Variants in WNT7A observed in about 807,000 individuals in gnomAD.
WNT7A encodes the protein Wnt family member 7A.
WNT7A carries 16 observed loss-of-function variants against 28.2 expected under a neutral mutation model. That is an observed-to-expected ratio of 0.57 (90% CI 0.38 to 0.86). The LOEUF (loss-of-function observed/expected upper bound fraction) is 0.86, where lower values mean the gene tolerates loss of function less well. Ranked by LOEUF, WNT7A falls within the 40% of genes least tolerant of loss-of-function variation. The pLI is 0.00. For missense variants in WNT7A, 411 were observed against 489.7 expected (o/e 0.84, Z 1.52); for synonymous variants, 190 against 195.9 (o/e 0.97, Z 0.25).
intron 3 of WNT7A, among the ~76,000 whole-genome samples, chr3:13,835,863 C>CA (rs1694359365): frequency 6.6e-6 from 1 of 152,226 alleles, no homozygotes; most frequent in Non-Finnish European, 1.5e-5. Flanking sequence ...GAAGTACTGA[C>CA]ACAGGCTGCA....
intron 3 of WNT7A, among the ~76,000 whole-genome samples, chr3:13,839,198 C>CA (rs1413730602): frequency 6.6e-6 from 1 of 152,158 alleles, no homozygotes; most frequent in Non-Finnish European, 1.5e-5. Flanking sequence ...CTGGACCAAC[C>CA]AGCACCATCC....
rs146535095 is a variant in WNT7A at position 13,863,094 on chromosome 3, G to A, written c.299-8291C>T. ...GTCTACCTCCCAGGGTTGTTGGGAGGATTAAATAAGCCAATGCACATGACA... is the reference window on the plus strand; with the variant it reads ...GTCTACCTCCCAGGGTTGTTGGGAGAATTAAATAAGCCAATGCACATGACA... On this transcript the variant is annotated intron_variant, in intron 2 of 3. Coordinates refer to ENST00000285018, the MANE Select transcript of WNT7A (RefSeq NM_004625.4). Among the ~76,000 whole-genome samples the A allele has an allele frequency of 2.8e-4, 43 of 152,258 alleles. No homozygotes were observed. The East Asian group carries it at 8.3e-3, about 29-fold the overall frequency.
chr3:13,851,436 A>T (rs1264239765), intron 3 of WNT7A, among the ~76,000 whole-genome samples: 4 of 152,100 alleles, frequency 2.6e-5, no homozygotes, highest in African/African-American at 9.7e-5. Context: ...TTCCTTCCTG[A>T]TGCCTCGTCC....
intron 3 of WNT7A, among the ~76,000 whole-genome samples, chr3:13,821,556 G>C (rs932856418): frequency 6.6e-6 from 1 of 152,184 alleles, no homozygotes; most frequent in Non-Finnish European, 1.5e-5. Flanking sequence ...AAACCACAGC[G>C]TGTGCATTTC....
chr3:13,875,061 T>C lies in WNT7A; in HGVS notation c.184A>G (p.Ile62Val), dbSNP rs761510770. ...CQSRPDAIIVIGEGSQMGLDE... is the reference protein window; with the variant it reads ...CQSRPDAIIVVGEGSQMGLDE... ...AGGCCCATTTGTGAGCCTTCTCCTATGACGATGATGGCGTCGGGCCGGCTC... is the reference window on the plus strand; with the variant it reads ...AGGCCCATTTGTGAGCCTTCTCCTACGACGATGATGGCGTCGGGCCGGCTC... Residue 62 changes from isoleucine to valine, a missense_variant, in exon 2 of 4, where the codon ATA becomes GTA. Coordinates refer to ENST00000285018, the MANE Select transcript of WNT7A (RefSeq NM_004625.4). 3 of 1,614,110 alleles carry C rather than the reference T, an allele frequency of 1.9e-6. No homozygotes were observed. The highest frequency in any genetic ancestry group is 1.1e-5 in the South Asian group (1 of 91,086).
chr3:13,878,455 A>C (rs1335588820), intron 1 of WNT7A, among the ~76,000 whole-genome samples: 1 of 152,148 alleles, frequency 6.6e-6, no homozygotes, highest in Non-Finnish European at 1.5e-5. Context: ...CGGGCGAATC[A>C]ATAACACTTA....
In WNT7A at chr3:13,819,431, G is replaced by C. The variant is rs1312357503; in HGVS notation, c.571-8C>G. On this transcript the variant is annotated splice_region_variant and splice_polypyrimidine_tract_variant and intron_variant, in intron 3 of 3. Coordinates refer to ENST00000285018, the MANE Select transcript of WNT7A (RefSeq NM_004625.4). ...CATGTTCTCCTCCAGGATCTGCAGG[G>C]GAGGGCGGGGAAGAGCACAGCACAG... is the stretch of plus-strand genomic sequence containing the variant. 1 of 1,611,062 alleles carries C rather than the reference G, an allele frequency of 6.2e-7. No individual in the cohort carries two copies. Among genetic ancestry groups the C allele is most frequent in the Admixed American group, 1.7e-5 (1 of 59,976 alleles).
At chr3:13,829,405 G>A (rs1360947128) in intron 3 of WNT7A, among the ~76,000 whole-genome samples, 1 of 152,218 alleles carries the variant, frequency 6.6e-6, no homozygotes, top group African/African-American at 2.4e-5. Context: ...GGGAACAGTG[G>A]GGATTAAATA....
At chr3:13,879,509 T>C (rs1695173393) in intron 1 of WNT7A, among the ~76,000 whole-genome samples, 1 of 151,982 alleles carries the variant, frequency 6.6e-6, no homozygotes, top group African/African-American at 2.4e-5. Context: ...CGGCTGTCTC[T>C]GGTCCTGGGG....
intron 3 of WNT7A, among the ~76,000 whole-genome samples, chr3:13,837,065 G>A (rs929717787): frequency 3.4e-4 from 52 of 152,132 alleles, no homozygotes; most frequent in Admixed American, 3.9e-4. Context: ...CTGGTTTTGG[G>A]GGTGTGGGCA....
At chr3:13,868,748 A>T (rs1346110242) in intron 2 of WNT7A, among the ~76,000 whole-genome samples, 1 of 147,382 alleles carries the variant, frequency 6.8e-6, no homozygotes, top group Admixed American at 6.7e-5. Context: ...AGAGAAAGAA[A>T]GAAAGGAGGG....
intron 3 of WNT7A, among the ~76,000 whole-genome samples, chr3:13,827,874 C>T (rs886312382): frequency 3.3e-5 from 5 of 152,242 alleles, no homozygotes; most frequent in East Asian, 1.9e-4. Context: ...ATCGATCCTG[C>T]GCTGCCCTAC....
intron 2 of WNT7A, among the ~76,000 whole-genome samples, chr3:13,858,883 C>T (rs921108377): frequency 6.6e-6 from 1 of 152,228 alleles, no homozygotes; most frequent in East Asian, 1.9e-4. Flanking sequence ...ACTCCACCCC[C>T]ACACTACCAT....
chr3:13,818,953 C>T lies in WNT7A; in HGVS notation c.1041G>A (p.Thr347=), dbSNP rs774521816. The change falls in exon 4 of 4, where the codon ACG becomes ACA. Residue 347 remains threonine (T), a synonymous_variant. Coordinates refer to ENST00000285018, the MANE Select transcript of WNT7A (RefSeq NM_004625.4). ...GGTGTGCACACGGGGCTCACTTGCA[C>T]GTGTACATCTCCGTGCGCTCGCTGC... ...NTCSERTEMY[T]CK 4 of 1,574,244 alleles carry T rather than the reference C, an allele frequency of 2.5e-6. No individual in the cohort carries two copies. The highest frequency in any genetic ancestry group is 1.7e-5 in the Admixed American group (1 of 58,584).
chr3:13,818,351 C>CAAAAAAAAACAAAAAAA lies in WNT7A; in HGVS notation c.*592_*593insTTTTTTTGTTTTTTTTT, dbSNP rs1694047397. ...TTTCTGGATAAGTAGCAGCAAACAGCAAAAAAAAAAAAAAAAATGTGTGTG... is the reference window on the plus strand; with the variant it reads ...TTTCTGGATAAGTAGCAGCAAACAGCAAAAAAAAACAAAAAAAAAAAAAAAAAAAAAAAATGTGTGTG... On this transcript the variant is annotated 3_prime_UTR_variant, in exon 4 of 4. Transcript: ENST00000285018. 1.3e-5 allele frequency: 1 copy of CAAAAAAAAACAAAAAAA among 79,952 alleles called. No homozygotes were observed. Among genetic ancestry groups the CAAAAAAAAACAAAAAAA allele is most frequent in the Non-Finnish European group, 2.5e-5 (1 of 40,528 alleles). The allele number at this position is 79,952 out of a possible 1,614,324, so 5.0% of individuals were successfully genotyped here.
intron 3 of WNT7A, among the ~76,000 whole-genome samples, chr3:13,844,910 C>CT (rs1314153901): frequency 1.2e-4 from 18 of 152,294 alleles, no homozygotes; most frequent in African/African-American, 4.3e-4. Flanking sequence ...CTTGGCTCCC[C>CT]TCCCTCCCTC....
rs759903207 is a variant in WNT7A at position 13,879,796 on chromosome 3, G to A, written c.21C>T (p.Arg7=). 8 of 1,612,084 alleles carry A rather than the reference G, an allele frequency of 5.0e-6. No homozygotes were observed. Among genetic ancestry groups the A allele is most frequent in the Non-Finnish European group, 6.8e-6 (8 of 1,179,042 alleles). MNRKAR[R]CLGHLFLSLG... The stretch of plus-strand genomic sequence containing the variant: ...GGCTGAGAAAGAGGTGGCCCAGGCA[G>A]CGCCGCGCTTTCCGGTTCATAGTCC... Residue 7 remains arginine, a synonymous_variant, in exon 1 of 4, where the codon CGC becomes CGT. Transcript: ENST00000285018.
intron 3 of WNT7A, among the ~76,000 whole-genome samples, chr3:13,836,294 G>T (rs1694369269): frequency 6.6e-6 from 1 of 152,124 alleles, no homozygotes; most frequent in Admixed American, 6.5e-5. Context: ...CAATGACAGG[G>T]GTGTCGGCCC....
At position 13,819,142 on chromosome 3, in the gene WNT7A, G is replaced by T. The variant is rs1450798286; in HGVS notation, c.852C>A (p.Thr284=). ...CGCGGCCCTGGGTGCCCACACTGCC[G>T]GTCACCGGGTCCTCCTCGCAGTAGT... ...SPNYCEEDPV[T]GSVGTQGRAC... The change falls in exon 4 of 4, where the codon ACC becomes ACA. Residue 284 remains threonine (T), a synonymous_variant. Transcript: ENST00000285018. 1.9e-6 allele frequency: 3 copies of T among 1,614,186 alleles called. No homozygotes were observed. The Admixed American group carries it at 5.0e-5, about 27-fold the overall frequency.
Sources: gnomAD v4.1 joint callset for allele counts (sites outside exome capture counted in the v4.1 genomes callset) on GRCh38, gnomAD v4.1.1 for gene constraint, MANE v1.5 for transcripts, NCBI Gene and HGNC (gene_info 2026-07-23, HGNC 2026-07-21) for gene names.